TBC1D22A: variants seen among roughly 807,000 people sequenced by gnomAD.
TBC1D22A encodes TBC1 domain family member 22A.
In TBC1D22A, 38 loss-of-function variants were observed where a neutral mutation model predicts 60.2. The observed-to-expected ratio is 0.63, with a 90% CI of 0.49 to 0.83. TBC1D22A has a LOEUF of 0.83. TBC1D22A is among the 40% of genes least tolerant of loss of function. The probability of loss-of-function intolerance (pLI) is 0.00; values close to 1 mark genes in which losing one functional copy is unlikely to be tolerated. For synonymous variants in TBC1D22A, 302 were observed against 281.7 expected (o/e 1.07, Z -0.72); for missense variants, 628 against 701.0 (o/e 0.90, Z 1.18).
At chr22:46,838,054 C>T (rs866181920) in intron 4 of TBC1D22A, among the ~76,000 whole-genome samples, 23 of 151,974 alleles carry the variant, frequency 1.5e-4, no homozygotes, top group East Asian at 3.9e-4. Flanking sequence ...AGTGAGACTC[C>T]GTCTCAAGAA....
intron 9 of TBC1D22A, among the ~76,000 whole-genome samples, chr22:46,989,013 A>G (rs1303567523): frequency 6.6e-6 from 1 of 152,246 alleles, no homozygotes; most frequent in Non-Finnish European, 1.5e-5. Flanking sequence ...CAGCTTCTCC[A>G]TCAGCACTTG....
At chr22:47,056,600 C>T (rs1357711436) in intron 11 of TBC1D22A, among the ~76,000 whole-genome samples, 2 of 152,176 alleles carry the variant, frequency 1.3e-5, no homozygotes, top group African/African-American at 4.8e-5. Flanking sequence ...ATCCTGTCTC[C>T]TTGTTGGTCT....
chr22:46,829,503 C>T (rs1382898624), intron 4 of TBC1D22A, among the ~76,000 whole-genome samples: 1 of 152,172 alleles, frequency 6.6e-6, no homozygotes, highest in Non-Finnish European at 1.5e-5. Context: ...CTCTTCTAAC[C>T]GACTTACTAG....
At chr22:46,788,501 G>A (rs1443157432) in intron 1 of TBC1D22A, among the ~76,000 whole-genome samples, 1 of 152,198 alleles carries the variant, frequency 6.6e-6, no homozygotes, top group East Asian at 1.9e-4. Flanking sequence ...GTGGCATGGT[G>A]GTCACAGGGC....
intron 4 of TBC1D22A, among the ~76,000 whole-genome samples, chr22:46,821,644 CT>C (rs1343169250): frequency 2.6e-5 from 4 of 152,130 alleles, no homozygotes; most frequent in Non-Finnish European, 5.9e-5. Context: ...GTGACCTGGC[CT>C]TTCTCTCTGG....
At chr22:47,145,481 T>C (rs75162605) in intron 12 of TBC1D22A, among the ~76,000 whole-genome samples, 199 of 152,292 alleles carry the variant, frequency 1.3e-3, no homozygotes, top group African/African-American at 4.3e-3. Flanking sequence ...CTGAGAATCA[T>C]TGACTGAGGG....
At chr22:46,793,212 A>G (rs2084499052) in intron 2 of TBC1D22A, among the ~76,000 whole-genome samples, 1 of 152,196 alleles carries the variant, frequency 6.6e-6, no homozygotes, top group Non-Finnish European at 1.5e-5. Flanking sequence ...TGCCCCAGGC[A>G]CTGGCCAGAG....
At chr22:46,830,281 G>A (rs1157484197) in intron 4 of TBC1D22A, among the ~76,000 whole-genome samples, 4 of 152,346 alleles carry the variant, frequency 2.6e-5, no homozygotes, top group East Asian at 1.9e-4. Context: ...ACTGCTCATC[G>A]TATGTGACTT....
intron 12 of TBC1D22A, among the ~76,000 whole-genome samples, chr22:47,143,747 T>C (rs1026249680): frequency 6.6e-6 from 1 of 152,176 alleles, no homozygotes; most frequent in Non-Finnish European, 1.5e-5. Flanking sequence ...AGCTGAGCTG[T>C]TGATGCTCCA....
At chr22:46,941,919 A>G (rs1043425737) in intron 8 of TBC1D22A, among the ~76,000 whole-genome samples, 18 of 92,228 alleles carry the variant, frequency 2.0e-4, no homozygotes, top group Admixed American at 4.5e-4. Context: ...ATGTATATGT[A>G]TATGTATGTA....
intron 8 of TBC1D22A, among the ~76,000 whole-genome samples, chr22:46,969,774 C>T (rs905078960): frequency 8.5e-5 from 13 of 152,168 alleles, no homozygotes; most frequent in African/African-American, 2.6e-4. Flanking sequence ...GTATAGGGGA[C>T]GGGGCTGCCC....
chr22:46,884,560 C>T (rs944005102), intron 5 of TBC1D22A, among the ~76,000 whole-genome samples: 26 of 152,284 alleles, frequency 1.7e-4, no homozygotes, highest in African/African-American at 5.3e-4. Context: ...CTGAGAGCAG[C>T]GGCCAGCGGC....
At chr22:47,001,304 T>G (rs540474533) in intron 10 of TBC1D22A, among the ~76,000 whole-genome samples, 17 of 147,966 alleles carry the variant, frequency 1.1e-4, no homozygotes, top group Admixed American at 6.7e-4. Flanking sequence ...TCTTTCTTTT[T>G]TTTTTTTTTT....
chr22:47,130,142 T>A (rs554182452), intron 12 of TBC1D22A, among the ~76,000 whole-genome samples: 1 of 152,362 alleles, frequency 6.6e-6, no homozygotes, highest in Non-Finnish European at 1.5e-5. Flanking sequence ...AGCATGTCAC[T>A]TTCCTTGGTG....
In TBC1D22A at chr22:47,070,063, T is replaced by A. The variant is rs1290436313; in HGVS notation, c.1329+32865T>A. Among the ~76,000 whole-genome samples the A allele has an allele frequency of 2.2e-5, 3 of 134,334 alleles. No individual in the cohort carries two copies. In the East Asian group the frequency reaches 6.3e-4, roughly 28 times the overall value. 88.1% of individuals were successfully genotyped at this position (134,334 alleles called of 152,430 possible). A position where few individuals can be genotyped will look rare whatever the true frequency, so the allele number is the denominator to read the frequency against. On this transcript the variant is annotated intron_variant, in intron 11 of 12. Coordinates refer to ENST00000337137, the MANE Select transcript of TBC1D22A (RefSeq NM_014346.5). ...GACCTGATGGTTCCAGGCTGTTCCCTGTTGTTTGGTTGGACGCTGTCCCCT... is the reference window on the plus strand; with the variant it reads ...GACCTGATGGTTCCAGGCTGTTCCCAGTTGTTTGGTTGGACGCTGTCCCCT...
At chr22:47,051,407 A>C (rs2063210603) in intron 11 of TBC1D22A, among the ~76,000 whole-genome samples, 1 of 152,210 alleles carries the variant, frequency 6.6e-6, no homozygotes, top group African/African-American at 2.4e-5. Flanking sequence ...CCGTCCTTAA[A>C]GAACAGTCTA....
chr22:47,160,637 C>T (rs540134790), intron 12 of TBC1D22A, among the ~76,000 whole-genome samples: 40 of 152,332 alleles, frequency 2.6e-4, no homozygotes, highest in South Asian at 1.0e-3. Flanking sequence ...TCGCTGGAGC[C>T]GTGCCATGAC....
intron 9 of TBC1D22A, among the ~76,000 whole-genome samples, chr22:46,982,891 C>T (rs955615656): frequency 1.3e-5 from 2 of 152,142 alleles, no homozygotes; most frequent in African/African-American, 4.8e-5. Flanking sequence ...GCCCTCCTGC[C>T]TCATTAGGGC....
chr22:47,127,559 T>A (rs183338991), intron 12 of TBC1D22A, among the ~76,000 whole-genome samples: 6 of 152,150 alleles, frequency 3.9e-5, no homozygotes, highest in African/African-American at 1.4e-4. Flanking sequence ...CTCCTAGGCT[T>A]TCATTATTGC....
Sources: gnomAD v4.1 joint callset for allele counts (sites outside exome capture counted in the v4.1 genomes callset) on GRCh38, gnomAD v4.1.1 for gene constraint, MANE v1.5 for transcripts, NCBI Gene and HGNC (gene_info 2026-07-23, HGNC 2026-07-21) for gene names.